Variants in ARHGAP20 observed in about 807,000 individuals in gnomAD.
ARHGAP20 encodes the protein rho GTPase-activating protein 20.
ARHGAP20 carries 34 observed loss-of-function variants against 73.7 expected under a neutral mutation model. That is an observed-to-expected ratio of 0.46 (90% CI 0.35 to 0.61). The LOEUF is 0.61. Among genes scored for constraint, ARHGAP20 ranks in the 20% least tolerant of loss-of-function variants. The probability of loss-of-function intolerance (pLI) is 0.00; values close to 1 mark genes in which losing one functional copy is unlikely to be tolerated. For synonymous variants in ARHGAP20, 523 were observed against 518.2 expected (o/e 1.01, Z -0.13); for missense variants, 1,314 against 1,420.9 (o/e 0.92, Z 1.21).
intron 7 of ARHGAP20, among the ~76,000 whole-genome samples, chr11:110,610,619 C>T (rs1948343924): frequency 6.6e-6 from 1 of 152,042 alleles, no homozygotes; most frequent in Non-Finnish European, 1.5e-5. Context: ...AGTTCTCTTT[C>T]CTCTACCTCA....
intron 1 of ARHGAP20, chr11:110,711,739 G>A: frequency 7.3e-7 from 1 of 1,377,580 alleles, no homozygotes; most frequent in Non-Finnish European, 9.3e-7. Flanking sequence ...GGCAGTCAGT[G>A]CTCGCCCAGG....
At position 110,687,037 on chromosome 11, in the gene ARHGAP20, T is replaced by C. The variant is rs938005882; in HGVS notation, c.188+3510A>G. ...AGGAAATTAACTGAAGATTAAAACA[T>C]ATATATATATATATATATAGACACA... On this transcript the variant is annotated intron_variant, in intron 2 of 14. Coordinates refer to ENST00000683387, the MANE Select transcript of ARHGAP20 (RefSeq NM_001384657.1). 1.8e-4 allele frequency among the ~76,000 whole-genome samples: 20 copies of C among 112,536 alleles called. 1 individual carries two copies. The highest frequency in any genetic ancestry group is 3.2e-4 in the Non-Finnish European group (17 of 52,886). 73.8% of individuals were successfully genotyped at this position (112,536 alleles called of 152,430 possible).
At chr11:110,695,270 G>C (rs960834382) in intron 1 of ARHGAP20, among the ~76,000 whole-genome samples, 2 of 151,398 alleles carry the variant, frequency 1.3e-5, no homozygotes, top group Non-Finnish European at 3.0e-5. Flanking sequence ...TTGTCATCTT[G>C]GATGAGGCAG....
At chr11:110,709,130 T>C (rs1297627096) in intron 1 of ARHGAP20, among the ~76,000 whole-genome samples, 1 of 152,180 alleles carries the variant, frequency 6.6e-6, no homozygotes, top group African/African-American at 2.4e-5. Context: ...GCTATGCCCA[T>C]TCATTTCTTC....
chr11:110,705,115 T>C (rs1408776010), intron 1 of ARHGAP20, among the ~76,000 whole-genome samples: 1 of 152,180 alleles, frequency 6.6e-6, no homozygotes, highest in African/African-American at 2.4e-5. Flanking sequence ...TACAATTACA[T>C]ATTTTTGTTA....
In ARHGAP20 at chr11:110,579,726, G is replaced by A; in HGVS notation, c.3220C>T (p.Pro1074Ser). Residue 1074 changes from proline to serine, a missense_variant, in exon 15 of 15, where the codon CCC becomes TCC. This residue lies in a region of ARHGAP20 where 641 missense variants were observed against 636.9 expected (regional missense o/e 1.01). Coordinates refer to ENST00000683387, the MANE Select transcript of ARHGAP20 (RefSeq NM_001384657.1). The part of the protein sequence containing the change: ...IASPKGPLEP[P>S]PHASGVPEAN... ...TCTGGAACACCAGAAGCATGTGGGG[G>A]TGGCTCTAAGGGTCCTTTTGGAGAA... 6.2e-7 allele frequency: 1 copy of A among 1,614,192 alleles called. No individual in the cohort carries two copies. The highest frequency in any genetic ancestry group is 8.5e-7 in the Non-Finnish European group (1 of 1,180,040).
chr11:110,583,908 A>C (rs1022869593), intron 12 of ARHGAP20, among the ~76,000 whole-genome samples, 171 bp from the exon 13 acceptor site: 3 of 152,198 alleles, frequency 2.0e-5, no homozygotes, highest in Non-Finnish European at 4.4e-5. Context: ...TACAGAAAGA[A>C]AAAATAGGCA....
chr11:110,627,120 C>T (rs1948761496), intron 3 of ARHGAP20, among the ~76,000 whole-genome samples: 2 of 152,036 alleles, frequency 1.3e-5, no homozygotes, highest in Admixed American at 1.3e-4. Flanking sequence ...CAGAGTTTCG[C>T]TCTTGTCACC....
intron 3 of ARHGAP20, among the ~76,000 whole-genome samples, chr11:110,626,734 C>CT (rs796148399): frequency 0.026 from 3,805 of 145,534 alleles, 132 homozygotes; most frequent in African/African-American, 0.083. Context: ...CAATCTTTGG[C>CT]TTTTTTTTTT....
At chr11:110,675,466 A>G (rs1237365755) in intron 2 of ARHGAP20, among the ~76,000 whole-genome samples, 1 of 152,148 alleles carries the variant, frequency 6.6e-6, no homozygotes, top group Non-Finnish European at 1.5e-5. Context: ...GTTTTGTGGG[A>G]GACATTTTTT....
At chr11:110,702,148 C>G (rs1293140915) in intron 1 of ARHGAP20, among the ~76,000 whole-genome samples, 1 of 152,030 alleles carries the variant, frequency 6.6e-6, no homozygotes, top group Admixed American at 6.6e-5. Flanking sequence ...AAAATACTGG[C>G]AAACCGAATC....
chr11:110,629,781 G>C (rs902614274), intron 3 of ARHGAP20, among the ~76,000 whole-genome samples: 1 of 152,198 alleles, frequency 6.6e-6, no homozygotes, highest in African/African-American at 2.4e-5. Flanking sequence ...GCATCCACTT[G>C]AGTGAGCTTG....
chr11:110,607,673 A>G lies in ARHGAP20; in HGVS notation c.776-924T>C, dbSNP rs189131714. ...AGTACTACAGCAGCTTCCAGAGATTAAGACAGAAAAAGGCTTCTATGACAA... is the reference window on the plus strand; with the variant it reads ...AGTACTACAGCAGCTTCCAGAGATTGAGACAGAAAAAGGCTTCTATGACAA... On this transcript the variant is annotated intron_variant, in intron 8 of 14. Transcript: ENST00000683387. 7.5e-3 allele frequency among the ~76,000 whole-genome samples: 1,143 copies of G among 152,354 alleles called. 17 individuals carry two copies. Among genetic ancestry groups the G allele is most frequent in the African/African-American group, 0.026 (1,090 of 41,598 alleles).
intron 3 of ARHGAP20, among the ~76,000 whole-genome samples, chr11:110,625,624 G>GA (rs1948727838): frequency 6.6e-6 from 1 of 151,990 alleles, no homozygotes; most frequent in South Asian, 2.1e-4. Flanking sequence ...TGGGGACCTT[G>GA]AAGGTGGTCT....
At chr11:110,621,347 C>A (rs1039594189) in intron 4 of ARHGAP20, among the ~76,000 whole-genome samples, 4 of 152,036 alleles carry the variant, frequency 2.6e-5, no homozygotes, top group Non-Finnish European at 4.4e-5. Flanking sequence ...ATTTTTTCAG[C>A]CCCATTTCCT....
At chr11:110,618,691 G>A (rs1182430803) in intron 4 of ARHGAP20, among the ~76,000 whole-genome samples, 1 of 151,762 alleles carries the variant, frequency 6.6e-6, no homozygotes, top group Non-Finnish European at 1.5e-5. Context: ...TGCAGTGATA[G>A]AGTATATGCA....
intron 9 of ARHGAP20, among the ~76,000 whole-genome samples, chr11:110,595,218 C>T (rs1947926187): frequency 1.3e-5 from 2 of 152,104 alleles, no homozygotes; most frequent in African/African-American, 4.8e-5. Flanking sequence ...GAAGCATTCA[C>T]TTTGAAAACT....
intron 2 of ARHGAP20, among the ~76,000 whole-genome samples, chr11:110,665,883 C>T (rs1313358208): frequency 6.6e-6 from 1 of 151,976 alleles, no homozygotes. Context: ...GCAAAGATGA[C>T]GTGATTGTTG....
At chr11:110,667,566 A>C (rs2077943) in intron 2 of ARHGAP20, among the ~76,000 whole-genome samples, 42,972 of 152,080 alleles carry the variant, frequency 0.28, 6,476 homozygotes, top group African/African-American at 0.4. Flanking sequence ...TGGCTAACAA[A>C]ATATCCACTC....
Sources: gnomAD v4.1 joint callset for allele counts (sites outside exome capture counted in the v4.1 genomes callset) on GRCh38, gnomAD v4.1.1 for gene constraint, gnomAD v4.1.1 regional missense constraint, MANE v1.5 for transcripts, NCBI Gene and HGNC (gene_info 2026-07-23, HGNC 2026-07-21) for gene names.